The following L3MBTL2 variants were observed in gnomAD, a reference collection of about 807,000 sequenced individuals.
L3MBTL2 encodes the protein L3MBTL histone methyl-lysine binding protein 2.
In L3MBTL2, 49 loss-of-function variants were observed where a neutral mutation model predicts 86.4. The ratio of observed to expected loss-of-function variants is 0.57; its 90% CI spans 0.45 to 0.72. The LOEUF (loss-of-function observed/expected upper bound fraction) is 0.72. Among genes scored for constraint, L3MBTL2 ranks in the 30% least tolerant of loss-of-function variants. The pLI is 0.00. For synonymous variants in L3MBTL2, 336 were observed against 350.6 expected, an observed-to-expected ratio of 0.96 and a Z score of 0.47; for missense variants, 755 against 923.7, an observed-to-expected ratio of 0.82 and a Z score of 2.37.
chr22:41,214,234 T>C (rs1308774030), intron 3 of L3MBTL2: 2 of 533,996 alleles, frequency 3.7e-6, no homozygotes, highest in Non-Finnish European at 6.7e-6. Context: ...CTCCATTACC[T>C]ACCATCATCC....
At position 41,227,680 on chromosome 22, in the gene L3MBTL2, G is replaced by T; in HGVS notation, c.1823-124G>T. 1 of 1,582,750 alleles carries T rather than the reference G, an allele frequency of 6.3e-7. No homozygotes were observed. Among genetic ancestry groups the T allele is most frequent in the Non-Finnish European group, 8.6e-7 (1 of 1,164,000 alleles). ...GCCCCGCCCTCTCCTCATTGCCCAGGTTTGGCTTCCTGTCTTGGGGTGTCT... is the reference window on the plus strand; with the variant it reads ...GCCCCGCCCTCTCCTCATTGCCCAGTTTTGGCTTCCTGTCTTGGGGTGTCT... On this transcript the variant is annotated intron_variant, in intron 14 of 16. Coordinates refer to ENST00000216237, the MANE Select transcript of L3MBTL2 (RefSeq NM_031488.5). This position sits in a 1 kb window ranked among gnomAD's most constrained non-coding sequence, Gnocchi z 6.0.
Position 41,227,075 on chromosome 22 carries a change from T to C in L3MBTL2, c.1588-14T>C. 6.3e-7 allele frequency: 1 copy of C among 1,598,590 alleles called. No homozygotes were observed. The highest frequency in any genetic ancestry group is 8.5e-7 in the Non-Finnish European group (1 of 1,172,870). On this transcript the variant is annotated splice_polypyrimidine_tract_variant and intron_variant, in intron 13 of 16. Transcript: ENST00000216237. The surrounding 1 kb of genome is among the most constrained non-coding windows in gnomAD (Gnocchi z 6.0). ...GCTGACTGGCTTGGCCACTGCCTCC[T>C]TTTTCTGCCCCAGGATTGCCCAAAC...
intron 3 of L3MBTL2, among the ~76,000 whole-genome samples, chr22:41,215,262 C>T (rs575123966): frequency 6.6e-6 from 1 of 152,178 alleles, no homozygotes; most frequent in South Asian, 2.1e-4. Context: ...CCCTCTCTTC[C>T]GAGAGCTAAG....
At chr22:41,221,309 G>A (rs2145598749) in intron 8 of L3MBTL2, 22 bp downstream of exon 8, 2 of 1,542,260 alleles carry the variant, frequency 1.3e-6, no homozygotes, top group African/African-American at 1.4e-5. Flanking sequence ...GCCCTTAACT[G>A]ATGTGCCTCC....
In L3MBTL2 at chr22:41,230,320, C is replaced by G; in HGVS notation, c.*69C>G. ...GCGTTTCTCTACCACCACCACCATGCCTCCACCTGACTTTGGCTTGGAGAC... is the reference window on the plus strand; with the variant it reads ...GCGTTTCTCTACCACCACCACCATGGCTCCACCTGACTTTGGCTTGGAGAC... On this transcript the variant is annotated 3_prime_UTR_variant, in exon 17 of 17. Coordinates refer to ENST00000216237, the MANE Select transcript of L3MBTL2 (RefSeq NM_031488.5). The G allele has an allele frequency of 8.8e-7, 1 of 1,133,864 alleles. No individual in the cohort carries two copies. The highest frequency in any genetic ancestry group is 1.3e-6 in the Non-Finnish European group (1 of 750,048). The allele number at this position is 1,133,864 out of a possible 1,614,324, so 70.2% of individuals were successfully genotyped here.
intron 5 of L3MBTL2, chr22:41,218,599 G>T (rs1346229195): frequency 6.6e-6 from 1 of 152,218 alleles, no homozygotes; most frequent in Non-Finnish European, 1.5e-5. Flanking sequence ...ACAGTCCAGT[G>T]CTGTCCTGGG....
chr22:41,208,553 G>A (rs139432), intron 1 of L3MBTL2: 104,050 of 262,210 alleles, frequency 0.4, 21,592 homozygotes, highest in African/African-American at 0.56. Flanking sequence ...TAAATGACTT[G>A]CCCAAGGCCC....
intron 5 of L3MBTL2, chr22:41,218,751 G>A: frequency 6.6e-6 from 1 of 152,396 alleles, no homozygotes; most frequent in Non-Finnish European, 1.5e-5. Flanking sequence ...AGCCTCCGGA[G>A]TAGCTGGGAT....
chr22:41,219,802 C>T (rs1435689895), intron 6 of L3MBTL2, among the ~76,000 whole-genome samples: 1 of 152,132 alleles, frequency 6.6e-6, no homozygotes, highest in Non-Finnish European at 1.5e-5. Flanking sequence ...AGTACGGTGG[C>T]ACGATCTCGG....
At chr22:41,213,829 C>G in intron 2 of L3MBTL2, 64 bp from the exon 3 acceptor site, 1 of 1,590,022 alleles carries the variant, frequency 6.3e-7, no homozygotes, top group Non-Finnish European at 8.6e-7. Flanking sequence ...TTTGAAGGGC[C>G]CATCACTTTG....
chr22:41,221,218 C>T lies in L3MBTL2; in HGVS notation c.873C>T (p.Thr291=), dbSNP rs140007148. 5.8e-6 allele frequency: 9 copies of T among 1,550,496 alleles called. No individual in the cohort carries two copies. The highest frequency in any genetic ancestry group is 2.4e-5 in the East Asian group (1 of 40,902). ...CCACAGCCATCCATGCCAAGTTCAC[C>T]GACTGGAAGGGCTACCTCATGAAAC... ...VPPRTIHAKF[T]DWKGYLMKRL... The change falls in exon 8 of 17, where the codon ACC becomes ACT. Residue 291 remains threonine, a synonymous_variant. Transcript: ENST00000216237.
At position 41,212,024 on chromosome 22, in the gene L3MBTL2, C is replaced by T. The variant is rs541901818; in HGVS notation, c.263-1869C>T. On this transcript the variant is annotated intron_variant, in intron 2 of 16. Transcript: ENST00000216237. ...GACTACAGGCGCCCTCCGCCATGCCCGGCTAATTTTTTGTATTTTTTAGTA... is the reference window on the plus strand; with the variant it reads ...GACTACAGGCGCCCTCCGCCATGCCTGGCTAATTTTTTGTATTTTTTAGTA... 1.5e-3 allele frequency among the ~76,000 whole-genome samples: 230 copies of T among 150,558 alleles called. 2 individuals carry two copies. The highest frequency in any genetic ancestry group is 4.2e-3 in the African/African-American group (172 of 40,862).
rs1238264891 is a variant in L3MBTL2, at chr22:41,226,839, G to C, written c.1587+95G>C. 6 of 964,762 alleles carry C rather than the reference G, an allele frequency of 6.2e-6. No homozygotes were observed. The East Asian group carries it at 9.9e-5, about 16-fold the overall frequency. 59.8% of individuals were successfully genotyped at this position (964,762 alleles called of 1,614,324 possible). On this transcript the variant is annotated intron_variant, in intron 13 of 16. Coordinates refer to ENST00000216237, the MANE Select transcript of L3MBTL2 (RefSeq NM_031488.5). ...GGTGGCAGTTCCTACTCTTTCTCTC[G>C]AATCTCTACTGCTGACATCAGCCAC...
intron 2 of L3MBTL2, among the ~76,000 whole-genome samples, chr22:41,211,573 T>TTTTTTTTTC (rs758875511): frequency 7.2e-5 from 10 of 139,498 alleles, no homozygotes; most frequent in Non-Finnish European, 1.2e-4. Context: ...TTTTTTTTTT[T>TTTTTTTTTC]TGAGACGGAG....
At chr22:41,207,457 A>C (rs1437671760) in intron 1 of L3MBTL2, among the ~76,000 whole-genome samples, 1 of 151,856 alleles carries the variant, frequency 6.6e-6, no homozygotes, top group African/African-American at 2.4e-5. Flanking sequence ...TCCTAGGCTC[A>C]AGCAATCCTC....
chr22:41,230,079 G>GCCCCCC, intron 16 of L3MBTL2, 60 bp from the exon 17 acceptor site: 1 of 532,754 alleles, frequency 1.9e-6, no homozygotes, highest in Non-Finnish European at 2.9e-6. Context: ...CAGCTCCTCC[G>GCCCCCC]CCCCCACCCC....
Position 41,205,395 on chromosome 22 carries a change from G to C in L3MBTL2, c.24+9G>C, listed in dbSNP as rs1253616528. 6.2e-7 allele frequency: 1 copy of C among 1,614,218 alleles called. No individual in the cohort carries two copies. Among genetic ancestry groups the C allele is most frequent in the Admixed American group, 1.7e-5 (1 of 60,014 alleles). ...AGCCCCGGAGTATTGAGGTGAGAAGGCGAGGACTTAGCGTGACTGGGAAAG... is the reference window on the plus strand; with the variant it reads ...AGCCCCGGAGTATTGAGGTGAGAAGCCGAGGACTTAGCGTGACTGGGAAAG... On this transcript the variant is annotated intron_variant, in intron 1 of 16. Transcript: ENST00000216237.
In L3MBTL2 at chr22:41,226,730, A is replaced by C; in HGVS notation, c.1573A>C (p.Arg525=). Residue 525 remains arginine (R), a synonymous_variant, in exon 13 of 17, where the codon AGA becomes CGA. Transcript: ENST00000216237. The part of the protein sequence containing the change: ...EKTKSKAAPS[R]LFNMDCPNHG... ...GACCAAGTCGAAAGCCGCTCCATCG[A>C]GACTCTTTAACATGGTGAGGAGACT... 4.3e-6 allele frequency: 7 copies of C among 1,613,586 alleles called. No homozygotes were observed. The highest frequency in any genetic ancestry group is 5.9e-6 in the Non-Finnish European group (7 of 1,179,514).
intron 2 of L3MBTL2, among the ~76,000 whole-genome samples, chr22:41,211,048 C>T (rs772566184): frequency 1.3e-5 from 2 of 152,074 alleles, no homozygotes; most frequent in Non-Finnish European, 1.5e-5. Context: ...AGATGAGAAT[C>T]CCTATGGATC....
Sources: allele counts gnomAD v4.1 joint callset (sites outside exome capture counted in the v4.1 genomes callset), GRCh38; gene constraint gnomAD v4.1.1; non-coding constraint Gnocchi (gnomAD v3.1); transcripts MANE v1.5; gene names NCBI Gene and HGNC (gene_info 2026-07-23, HGNC 2026-07-21).